DNM1: variants seen among roughly 807,000 people sequenced by gnomAD.
DNM1 encodes dynamin-1.
In DNM1, 29 loss-of-function variants were observed where a neutral mutation model predicts 104.6. The observed-to-expected ratio is 0.28, with a 90% CI of 0.21 to 0.38. The LOEUF (loss-of-function observed/expected upper bound fraction) is 0.38, where lower values mean the gene tolerates loss of function less well. Ranked by LOEUF, DNM1 falls within the 10% of genes least tolerant of loss-of-function variation. The pLI is 1.00. For missense variants in DNM1, 640 were observed against 1,189.4 expected (o/e 0.54, Z 6.79); for synonymous variants, 445 against 475.8 (o/e 0.94, Z 0.84).
chr9:128,212,330 C>G (rs916371337), intron 1 of DNM1, among the ~76,000 whole-genome samples: 2 of 152,182 alleles, frequency 1.3e-5, no homozygotes, highest in African/African-American at 4.8e-5. Flanking sequence ...GGATCCATAG[C>G]TGGGCATGGT....
intron 14 of DNM1, among the ~76,000 whole-genome samples, chr9:128,241,438 G>A (rs1029182864): frequency 6.6e-6 from 1 of 152,176 alleles, no homozygotes; most frequent in Non-Finnish European, 1.5e-5. Flanking sequence ...GCACTTTGTG[G>A]CTCAGCCCTT....
chr9:128,246,507 C>T lies in DNM1; in HGVS notation c.1781+4C>T. 6 of 1,608,840 alleles carry T rather than the reference C, an allele frequency of 3.7e-6. No homozygotes were observed. The highest frequency in any genetic ancestry group is 3.4e-6 in the Non-Finnish European group (4 of 1,175,360). On this transcript the variant is annotated splice_donor_region_variant and intron_variant, in intron 16 of 21. Coordinates refer to ENST00000372923, the MANE Select transcript of DNM1 (RefSeq NM_004408.4). Reference sequence around the variant, plus strand: ...CCCTCTTTAACACGGAGCAGAGGTGCCTGCCTGCCCCTGGCTGTGGCTGCT... The same window carrying T: ...CCCTCTTTAACACGGAGCAGAGGTGTCTGCCTGCCCCTGGCTGTGGCTGCT...
intron 21 of DNM1, chr9:128,252,208 C>G: frequency 4.0e-6 from 1 of 249,784 alleles, no homozygotes; most frequent in South Asian, 4.2e-5. Context: ...CAGATGCAGC[C>G]GTAGGAGCAC....
chr9:128,203,491 A>G lies in DNM1; in HGVS notation c.21A>G (p.Glu7=), dbSNP rs769986411. 3.9e-6 allele frequency: 6 copies of G among 1,526,638 alleles called. No individual in the cohort carries two copies. The East Asian group carries it at 1.7e-4, about 43-fold the overall frequency. 94.6% of individuals were successfully genotyped at this position (1,526,638 alleles called of 1,614,324 possible). ...CAGCCATGGGCAACCGCGGCATGGA[A>G]GATCTCATCCCGCTGGTCAACCGGC... is the stretch of plus-strand genomic sequence containing the variant. MGNRGM[E]DLIPLVNRLQ... Residue 7 remains glutamate, a synonymous_variant, in exon 1 of 22, where the codon GAA becomes GAG. Coordinates refer to ENST00000372923, the MANE Select transcript of DNM1 (RefSeq NM_004408.4). This position sits in a 1 kb window ranked among gnomAD's most constrained non-coding sequence, Gnocchi z 5.3.
intron 11 of DNM1, among the ~76,000 whole-genome samples, chr9:128,238,414 G>C (rs1288950879): frequency 6.6e-6 from 1 of 151,718 alleles, no homozygotes; most frequent in Non-Finnish European, 1.5e-5. Flanking sequence ...AGTAGAGACG[G>C]GATTTCTCCA....
rs115084416 is a variant in DNM1, at chr9:128,216,828, A to C, written c.162-1403A>C. The stretch of plus-strand genomic sequence containing the variant: ...TCCACCTCTGGCTCTGTAGAGCTTG[A>C]ATGTATCTTTTTCCCTCCCTGGGCC... On this transcript the variant is annotated intron_variant, in intron 1 of 21. Transcript: ENST00000372923. Among the ~76,000 whole-genome samples, 609 of 152,248 alleles carry C rather than the reference A, an allele frequency of 4.0e-3. 2 individuals are homozygous for C. Among genetic ancestry groups the C allele is most frequent in the African/African-American group, 0.014 (585 of 41,526 alleles).
chr9:128,232,694 G>C (rs576091584), intron 10 of DNM1: 1 of 152,634 alleles, frequency 6.6e-6, no homozygotes, highest in East Asian at 1.9e-4. Context: ...TTGCCCCATC[G>C]TGCTGCCTGG....
chr9:128,222,965 C>A lies in DNM1; in HGVS notation c.1196+105C>A. On this transcript the variant is annotated intron_variant, in intron 9 of 21. Transcript: ENST00000372923. This position sits in a 1 kb window ranked among gnomAD's most constrained non-coding sequence, Gnocchi z 7.8. ...GGCCTCCCTCAGGAAGGACTGAAAG[C>A]TCTGTTCCCCAGTCCTCTCGACCCC... The A allele has an allele frequency of 8.8e-7, 1 of 1,133,510 alleles. No individual in the cohort carries two copies. The highest frequency in any genetic ancestry group is 1.3e-6 in the Non-Finnish European group (1 of 765,242). The allele number at this position is 1,133,510 out of a possible 1,614,324, so 70.2% of individuals were successfully genotyped here.
In DNM1 at chr9:128,224,620, G is replaced by A. The variant is rs1377983023; in HGVS notation, c.1335+231G>A. Among the ~76,000 whole-genome samples the A allele has an allele frequency of 1.3e-5, 2 of 152,092 alleles. No individual in the cohort carries two copies. Among genetic ancestry groups the A allele is most frequent in the African/African-American group, 4.8e-5 (2 of 41,406 alleles). On this transcript the variant is annotated intron_variant, in intron 10 of 21. Coordinates refer to ENST00000372923, the MANE Select transcript of DNM1 (RefSeq NM_004408.4). This position sits in a 1 kb window ranked among gnomAD's most constrained non-coding sequence, Gnocchi z 4.3. ...GATTGGACATGGGTGAGACGGGGAT[G>A]ATGGCTGGCTGTTTACCCCAAGAGC...
intron 10 of DNM1, among the ~76,000 whole-genome samples, chr9:128,226,714 G>A (rs1178256903): frequency 6.6e-6 from 1 of 152,198 alleles, no homozygotes; most frequent in Non-Finnish European, 1.5e-5. Flanking sequence ...ACAGTAATCC[G>A]TGCGTGAGAG....
Position 128,224,615 on chromosome 9 carries a change from G to A in DNM1, c.1335+226G>A, listed in dbSNP as rs931753395. On this transcript the variant is annotated intron_variant, in intron 10 of 21. Transcript: ENST00000372923. This position sits in a 1 kb window ranked among gnomAD's most constrained non-coding sequence, Gnocchi z 4.3. The stretch of plus-strand genomic sequence containing the variant: ...CCAGGGATTGGACATGGGTGAGACG[G>A]GGATGATGGCTGGCTGTTTACCCCA... 1.3e-5 allele frequency among the ~76,000 whole-genome samples: 2 copies of A among 152,064 alleles called. No individual in the cohort carries two copies. Among genetic ancestry groups the A allele is most frequent in the African/African-American group, 4.8e-5 (2 of 41,428 alleles).
chr9:128,239,513 C>T lies in DNM1; in HGVS notation c.1491C>T (p.Ala497=), dbSNP rs1044394311. The T allele has an allele frequency of 1.2e-6, 2 of 1,613,050 alleles. No individual in the cohort carries two copies. Among genetic ancestry groups the T allele is most frequent in the African/African-American group, 1.3e-5 (1 of 74,782 alleles). ...NTNHEDFIGF[A]NAQQRSNQMN... ...ACCATGAGGACTTCATAGGCTTTGCCAAGTGAGTGCTCCCCCAGGCAAAAA... is the reference window on the plus strand; with the variant it reads ...ACCATGAGGACTTCATAGGCTTTGCTAAGTGAGTGCTCCCCCAGGCAAAAA... The change falls in exon 12 of 22, where the codon GCC becomes GCT. Residue 497 remains alanine, a splice_region_variant and synonymous_variant. Coordinates refer to ENST00000372923, the MANE Select transcript of DNM1 (RefSeq NM_004408.4).
chr9:128,222,448 A>G lies in DNM1; in HGVS notation c.993-13A>G. ...TGCTCCTGCCCCCTCAGGCCACACCACTCTCCCACCAGGATGGTCCAGCAG... is the reference window on the plus strand; with the variant it reads ...TGCTCCTGCCCCCTCAGGCCACACCGCTCTCCCACCAGGATGGTCCAGCAG... On this transcript the variant is annotated splice_polypyrimidine_tract_variant and intron_variant, in intron 7 of 21. Coordinates refer to ENST00000372923, the MANE Select transcript of DNM1 (RefSeq NM_004408.4). This position sits in a 1 kb window ranked among gnomAD's most constrained non-coding sequence, Gnocchi z 7.8. The G allele has an allele frequency of 6.2e-7, 1 of 1,613,174 alleles. No homozygotes were observed. The highest frequency in any genetic ancestry group is 8.5e-7 in the Non-Finnish European group (1 of 1,179,766).
Position 128,219,253 on chromosome 9 carries a change from G to C in DNM1, c.589+1G>C, listed in dbSNP as rs1369967361. On this transcript the variant is annotated splice_donor_variant, in intron 4 of 21. Transcript: ENST00000372923. LOFTEE classifies it high-confidence loss of function. ...GTCGCCAAGGAGGTGGACCCCCAGG[G>C]TAGGTTCCCACCCGGTGGCCAATGC... is the stretch of plus-strand genomic sequence containing the variant. The C allele has an allele frequency of 6.2e-7, 1 of 1,613,976 alleles. No individual in the cohort carries two copies. Among genetic ancestry groups the C allele is most frequent in the Non-Finnish European group, 8.5e-7 (1 of 1,179,978 alleles).
chr9:128,242,514 C>T (rs1056737521), intron 15 of DNM1, among the ~76,000 whole-genome samples, 169 bp downstream of exon 15: 15 of 152,118 alleles, frequency 9.9e-5, no homozygotes, highest in African/African-American at 3.6e-4. Context: ...AATCCCAGCA[C>T]TTTGGGAGGC....
chr9:128,212,510 G>A (rs1408131953), intron 1 of DNM1, among the ~76,000 whole-genome samples: 1 of 152,152 alleles, frequency 6.6e-6, no homozygotes, highest in Non-Finnish European at 1.5e-5. Flanking sequence ...AGGAAGGAAG[G>A]AAAGAAGGAG....
Position 128,254,288 on chromosome 9 carries a change from A to G in DNM1, c.2535-366A>G. The G allele has an allele frequency of 2.9e-6, 4 of 1,390,984 alleles. No individual in the cohort carries two copies. Among genetic ancestry groups the G allele is most frequent in the Non-Finnish European group, 3.7e-6 (4 of 1,082,652 alleles). 86.2% of individuals were successfully genotyped at this position (1,390,984 alleles called of 1,614,324 possible). On this transcript the variant is annotated intron_variant, in intron 21 of 21. Transcript: ENST00000372923. This position sits in a 1 kb window ranked among gnomAD's most constrained non-coding sequence, Gnocchi z 6.1. ...GCTCCCCAAGGCAAGGGGTGGCCCC[A>G]GGCCAGTGGGTTGGAAGACAGGGTG...
chr9:128,224,168 G>T lies in DNM1; in HGVS notation c.1197-83G>T. ...AAGGGCCCCTCAGGCAGAGTTCGTG[G>T]GCTTGGGGAGGAGCCTCGGCCTGGC... On this transcript the variant is annotated intron_variant, in intron 9 of 21. Transcript: ENST00000372923. This position sits in a 1 kb window ranked among gnomAD's most constrained non-coding sequence, Gnocchi z 4.3. The T allele has an allele frequency of 1.3e-6, 2 of 1,528,778 alleles. No homozygotes were observed. The highest frequency in any genetic ancestry group is 1.8e-6 in the Non-Finnish European group (2 of 1,134,110). 94.7% of individuals were successfully genotyped at this position (1,528,778 alleles called of 1,614,324 possible). A position where few individuals can be genotyped will look rare whatever the true frequency, so the allele number is the denominator to read the frequency against.
At chr9:128,251,023 G>GA (rs1248807734) in intron 21 of DNM1, 83 bp downstream of exon 21, 1 of 931,974 alleles carries the variant, frequency 1.1e-6, no homozygotes, top group Non-Finnish European at 1.6e-6. Flanking sequence ...CAGAGCATCG[G>GA]ACCTGGCCGC....
Sources: gnomAD v4.1 joint callset for allele counts (sites outside exome capture counted in the v4.1 genomes callset) on GRCh38, gnomAD v4.1.1 for gene constraint, Gnocchi (gnomAD v3.1) non-coding constraint, MANE v1.5 for transcripts, NCBI Gene and HGNC (gene_info 2026-07-23, HGNC 2026-07-21) for gene names.